Variants in MOSPD2 observed in about 807,000 individuals in gnomAD.
MOSPD2 encodes motile sperm domain-containing protein 2.
In MOSPD2, 5 loss-of-function variants were observed where a neutral mutation model predicts 41.7. That is an observed-to-expected ratio of 0.12 (90% confidence interval 0.06 to 0.25). The LOEUF (loss-of-function observed/expected upper bound fraction) is 0.25. MOSPD2 is among the 10% of genes least tolerant of loss of function. The pLI, the probability that MOSPD2 is intolerant of heterozygous loss-of-function variation, is 1.00. For synonymous variants in MOSPD2, 115 were observed against 126.9 expected (o/e 0.91, Z 0.63); for missense variants, 282 against 375.2 (o/e 0.75, Z 2.05).
chrX:14,887,599 A>G (rs1303651090), intron 2 of MOSPD2, among the ~76,000 whole-genome samples: 1 of 112,318 alleles, frequency 8.9e-6, no homozygotes, highest in Non-Finnish European at 1.9e-5. Flanking sequence ...ACCTGTTGGT[A>G]ACATCACTGG....
At chrX:14,887,380 G>GT (rs2092543600) in intron 2 of MOSPD2, among the ~76,000 whole-genome samples, 1 of 111,931 alleles carries the variant, frequency 8.9e-6, no homozygotes, top group South Asian at 3.7e-4. Context: ...TTTGTATAGT[G>GT]TTTAAGTTTT....
intron 7 of MOSPD2, among the ~76,000 whole-genome samples, chrX:14,907,795 T>C (rs2092584772): frequency 9.0e-6 from 1 of 111,592 alleles, no homozygotes; most frequent in Admixed American, 9.6e-5. Flanking sequence ...GGTTGCACAA[T>C]TCTGTGAATA....
intron 2 of MOSPD2, among the ~76,000 whole-genome samples, chrX:14,889,984 A>G (rs1272645214): frequency 8.9e-6 from 1 of 111,989 alleles, no homozygotes; most frequent in African/African-American, 3.3e-5. Context: ...TTTTTAGAAT[A>G]TATCTGGGGA....
intron 2 of MOSPD2, among the ~76,000 whole-genome samples, chrX:14,886,867 A>G (rs1294156910): frequency 8.9e-6 from 1 of 112,101 alleles, no homozygotes; most frequent in Non-Finnish European, 1.9e-5. Flanking sequence ...CTATAAACCA[A>G]TGGCTTAATC....
At chrX:14,880,990 G>C (rs7050116) in intron 2 of MOSPD2, among the ~76,000 whole-genome samples, 2,835 of 111,036 alleles carry the variant, frequency 0.026, 78 homozygotes, top group African/African-American at 0.088. Flanking sequence ...AAGATATATT[G>C]ATTGTTTAGC....
chrX:14,919,353 T>C (rs1234220012), intron 14 of MOSPD2, among the ~76,000 whole-genome samples: 1 of 111,892 alleles, frequency 8.9e-6, no homozygotes, highest in Non-Finnish European at 1.9e-5. Context: ...TACCAATTAG[T>C]GCATTTAAAT....
At chrX:14,887,690 T>TACAAC (rs57186706) in intron 2 of MOSPD2, among the ~76,000 whole-genome samples, 6,458 of 111,866 alleles carry the variant, frequency 0.058, 365 homozygotes, top group African/African-American at 0.18. Context: ...TTCTTTATCT[T>TACAAC]ACAATTTTTA....
intron 7 of MOSPD2, among the ~76,000 whole-genome samples, chrX:14,904,510 AC>A (rs1476636086): frequency 9.0e-6 from 1 of 111,312 alleles, no homozygotes; most frequent in Non-Finnish European, 1.9e-5. Context: ...ACACAAGACC[AC>A]CCCCATTTCT....
intron 13 of MOSPD2, among the ~76,000 whole-genome samples, chrX:14,918,077 T>G (rs1483311710): frequency 8.9e-6 from 1 of 111,879 alleles, no homozygotes; most frequent in African/African-American, 3.2e-5. Flanking sequence ...TATCAAGAGT[T>G]TTTCTTTTGT....
At chrX:14,876,666 T>C (rs373713238) in intron 2 of MOSPD2, among the ~76,000 whole-genome samples, 1 of 111,930 alleles carries the variant, frequency 8.9e-6, no homozygotes, top group African/African-American at 3.2e-5. Context: ...TGACAATAAT[T>C]TATTAAGTTC....
intron 2 of MOSPD2, among the ~76,000 whole-genome samples, chrX:14,880,113 A>G (rs779419170): frequency 5.1e-4 from 56 of 110,462 alleles, no homozygotes; most frequent in Non-Finnish European, 1.0e-3. Flanking sequence ...AGTTGACATT[A>G]TCATGGTTGA....
chrX:14,878,663 T>C (rs1267953469), intron 2 of MOSPD2, among the ~76,000 whole-genome samples: 4 of 112,058 alleles, frequency 3.6e-5, no homozygotes, highest in African/African-American at 1.3e-4. Flanking sequence ...CTTTCTAGTC[T>C]TTTAATTTTT....
intron 2 of MOSPD2, among the ~76,000 whole-genome samples, chrX:14,876,722 T>C (rs1028522315): frequency 3.6e-5 from 4 of 111,720 alleles, no homozygotes; most frequent in Admixed American, 2.8e-4. Flanking sequence ...AGTGTATCAG[T>C]ATTAGAGAAA....
Position 14,920,887 on chromosome X carries a change from A to T in MOSPD2, c.*1078A>T. 2.7e-6 allele frequency: 2 copies of T among 753,736 alleles called. No individual in the cohort carries two copies. The highest frequency in any genetic ancestry group is 3.1e-6 in the Non-Finnish European group (2 of 639,039). The allele number at this position is 753,736 out of a possible 1,213,427, so 62.1% of individuals were successfully genotyped here. A position where few individuals can be genotyped will look rare whatever the true frequency, so the allele number is the denominator to read the frequency against. ...TAGAAGGGTGAAAACAAAAAAAAAT[A>T]AAAAGAAACACAGACGCCCAGGTGT... On this transcript the variant is annotated 3_prime_UTR_variant, in exon 15 of 15. Coordinates refer to ENST00000380492, the MANE Select transcript of MOSPD2 (RefSeq NM_152581.4).
At position 14,920,107 on chromosome X, in the gene MOSPD2, T is replaced by C. The variant is rs928970322; in HGVS notation, c.*298T>C. 5.4e-6 allele frequency: 4 copies of C among 743,793 alleles called. No homozygotes were observed. The highest frequency in any genetic ancestry group is 4.5e-5 in the African/African-American group (2 of 44,013). 61.3% of individuals were successfully genotyped at this position (743,793 alleles called of 1,213,427 possible). A position where few individuals can be genotyped will look rare whatever the true frequency, so the allele number is the denominator to read the frequency against. On this transcript the variant is annotated 3_prime_UTR_variant, in exon 15 of 15. Transcript: ENST00000380492. ...TTTTTCCTTTTGATCTGAATACTTT[T>C]AAAGCTTAAGTTTTATCGTGTAAAT... is the stretch of plus-strand genomic sequence containing the variant.
intron 3 of MOSPD2, 165 bp downstream of exon 3, chrX:14,893,043 G>C (rs2092556866): frequency 8.1e-6 from 3 of 371,845 alleles, no homozygotes; most frequent in Non-Finnish European, 1.4e-5. Flanking sequence ...CAGCTTATAA[G>C]TCTTTTAAGT....
chrX:14,903,136 A>G (rs967102227), intron 7 of MOSPD2, 132 bp downstream of exon 7: 15 of 455,180 alleles, frequency 3.3e-5, no homozygotes, highest in Non-Finnish European at 1.1e-5. Flanking sequence ...GACTGGAGCT[A>G]GAACACTCAA....
At chrX:14,913,147 A>G (rs1251086322) in intron 10 of MOSPD2, among the ~76,000 whole-genome samples, 2 of 112,050 alleles carry the variant, frequency 1.8e-5, no homozygotes, top group African/African-American at 6.5e-5. Flanking sequence ...AGAGACATAG[A>G]TGCGCATGCA....
At chrX:14,903,696 T>C (rs1007360661) in intron 7 of MOSPD2, among the ~76,000 whole-genome samples, 1 of 112,348 alleles carries the variant, frequency 8.9e-6, no homozygotes, top group Non-Finnish European at 1.9e-5. Flanking sequence ...AGTTGTTACA[T>C]AGAAAGCAAT....
Sources: allele counts gnomAD v4.1 joint callset (sites outside exome capture counted in the v4.1 genomes callset), GRCh38; gene constraint gnomAD v4.1.1; transcripts MANE v1.5; gene names NCBI Gene and HGNC (gene_info 2026-07-23, HGNC 2026-07-21).